Variants in USP42 observed in about 807,000 individuals in gnomAD.
USP42 encodes the protein ubiquitin specific peptidase 42, also known as ubiquitin carboxyl-terminal hydrolase 42.
USP42 carries 23 observed loss-of-function variants against 113.0 expected under a neutral mutation model. The ratio of observed to expected loss-of-function variants is 0.20; its 90% confidence interval spans 0.15 to 0.29. The LOEUF (loss-of-function observed/expected upper bound fraction) is 0.29. Ranked by LOEUF, USP42 falls within the 10% of genes least tolerant of loss-of-function variation. The pLI is 1.00. For missense variants in USP42, 2,174 were observed against 1,779.8 expected (o/e 1.22, Z -3.99); for synonymous variants, 933 against 699.0 (o/e 1.33, Z -5.28).
chr7:6,138,316 G>A (rs540143620), intron 4 of USP42, among the ~76,000 whole-genome samples: 13 of 152,156 alleles, frequency 8.5e-5, no homozygotes, highest in South Asian at 6.2e-4. Flanking sequence ...GGACTGAAAT[G>A]TTTCTGTGCA....
At chr7:6,134,376 A>C (rs1261620406) in intron 3 of USP42, among the ~76,000 whole-genome samples, 1 of 151,856 alleles carries the variant, frequency 6.6e-6, no homozygotes, top group Non-Finnish European at 1.5e-5. Flanking sequence ...GTACTGTTTG[A>C]TTGGATGCCA....
chr7:6,105,430 TGCTGGCC>T (rs1180211990), intron 1 of USP42, among the ~76,000 whole-genome samples: 3 of 148,982 alleles, frequency 2.0e-5, no homozygotes, highest in Non-Finnish European at 4.5e-5. Context: ...GGTGGGCGTG[TGCTGGCC>T]GCTGACCGCG....
At chr7:6,083,083 CCTGG>C in the USP42 span, among the ~76,000 whole-genome samples, 1 of 148,776 alleles carries the variant, frequency 6.7e-6, no homozygotes, top group Non-Finnish European at 1.5e-5. Context: ...GGCTACCACA[CCTGG>C]CTGATTTTTG....
the USP42 span, among the ~76,000 whole-genome samples, chr7:6,083,976 G>A: frequency 6.6e-6 from 1 of 151,118 alleles, no homozygotes; most frequent in Admixed American, 6.6e-5. Flanking sequence ...TCCCAAGCTG[G>A]TTGTGTAGGT....
upstream of USP42, among the ~76,000 whole-genome samples, chr7:6,104,341 CA>C (rs368612006): frequency 0.01 from 1,559 of 149,436 alleles, 39 homozygotes; most frequent in African/African-American, 0.038. Context: ...CTCGGCCTCC[CA>C]GAATGCTGGG....
intron 15 of USP42, 63 bp from the exon 16 acceptor site, chr7:6,156,691 C>G: frequency 6.8e-7 from 1 of 1,470,718 alleles, no homozygotes; most frequent in Non-Finnish European, 9.0e-7. Context: ...AGGCCAAGCT[C>G]CAGGGTCTGC....
chr7:6,160,060 C>T (rs1282322001), intron 17 of USP42, among the ~76,000 whole-genome samples: 1 of 152,236 alleles, frequency 6.6e-6, no homozygotes, highest in Non-Finnish European at 1.5e-5. Flanking sequence ...CACAGCGGTC[C>T]TGGGAGAGTC....
At chr7:6,108,327 C>T (rs1272917462) in intron 1 of USP42, among the ~76,000 whole-genome samples, 1 of 151,994 alleles carries the variant, frequency 6.6e-6, no homozygotes, top group Non-Finnish European at 1.5e-5. Context: ...CGTTTGAGGC[C>T]AGGAGTTCAA....
At chr7:6,106,274 A>G (rs1002150017) in intron 1 of USP42, among the ~76,000 whole-genome samples, 1 of 152,250 alleles carries the variant, frequency 6.6e-6, no homozygotes, top group Non-Finnish European at 1.5e-5. Flanking sequence ...GTTTTCTCTT[A>G]TAACGGAAAT....
intron 3 of USP42, among the ~76,000 whole-genome samples, chr7:6,126,991 T>A (rs1469263521): frequency 6.6e-6 from 1 of 152,210 alleles, no homozygotes; most frequent in Non-Finnish European, 1.5e-5. Flanking sequence ...TTGCCAACAT[T>A]TGCTGTTGTC....
intron 3 of USP42, among the ~76,000 whole-genome samples, chr7:6,118,492 A>G (rs1287653869): frequency 6.6e-6 from 1 of 152,086 alleles, no homozygotes. Flanking sequence ...ACTTTATTCC[A>G]GTCTGGGTGA....
intron 11 of USP42, among the ~76,000 whole-genome samples, chr7:6,147,158 T>G (rs1381497129): frequency 1.3e-5 from 2 of 152,230 alleles, no homozygotes; most frequent in Admixed American, 1.3e-4. Flanking sequence ...GAAGCACAGA[T>G]GATGATCAGA....
chr7:6,086,729 C>T, the USP42 span, among the ~76,000 whole-genome samples: 2 of 144,844 alleles, frequency 1.4e-5, no homozygotes, highest in African/African-American at 2.6e-5. Context: ...TTCCTTTTTC[C>T]TTTCCTTTCT....
chr7:6,145,436 A>G (rs1290491237), intron 9 of USP42, 80 bp from the exon 10 acceptor site: 1 of 1,557,564 alleles, frequency 6.4e-7, no homozygotes, highest in African/African-American at 1.4e-5. Flanking sequence ...CCTCCTAGGA[A>G]GCTCTAAGTA....
chr7:6,118,416 G>A (rs768338197), intron 3 of USP42, among the ~76,000 whole-genome samples: 91 of 152,052 alleles, frequency 6.0e-4, no homozygotes, highest in Non-Finnish European at 1.2e-3. Context: ...CAGCTACTTG[G>A]GAGACTGAGG....
intron 6 of USP42, 106 bp downstream of exon 6, chr7:6,140,301 C>G: frequency 9.9e-7 from 1 of 1,007,864 alleles, no homozygotes; most frequent in East Asian, 2.4e-5. Flanking sequence ...AAGTGCTTCT[C>G]TCCAGCCCAG....
chr7:6,153,826 G>A lies in USP42; in HGVS notation c.2272G>A (p.Glu758Lys), dbSNP rs566475833. The A allele has an allele frequency of 6.5e-7, 1 of 1,535,476 alleles. No homozygotes were observed. Among genetic ancestry groups the A allele is most frequent in the Non-Finnish European group, 8.8e-7 (1 of 1,139,554 alleles). The change falls in exon 15 of 18, where the codon GAA becomes AAA. Residue 758 changes from glutamate to lysine, a missense_variant. By Grantham distance (56) the Glu-to-Lys change is moderately conservative. Coordinates refer to ENST00000306177, the MANE Select transcript of USP42 (RefSeq NM_032172.3). ...AEPQPGSPAA[E>K]SLEEPDAAAG... ...GCCTCAGCCTGGCAGCCCCGCCGCCGAATCCCTGGAGGAGCCAGATGCGGC... is the reference window on the plus strand; with the variant it reads ...GCCTCAGCCTGGCAGCCCCGCCGCCAAATCCCTGGAGGAGCCAGATGCGGC...
At chr7:6,146,742 G>C (rs1781738614) in intron 11 of USP42, among the ~76,000 whole-genome samples, 1 of 152,230 alleles carries the variant, frequency 6.6e-6, no homozygotes, top group South Asian at 2.1e-4. Flanking sequence ...TGATGAGTTT[G>C]CTCCGCATCG....
rs1358024201 is a variant in USP42 at position 6,146,341 on chromosome 7, A to AC, written c.1232+93_1232+94insC. ...TGAATTCAATATTCAGTGTTTTAAA[A>AC]AAAAAAAAAAACCCAGCAGCTTAAA... On this transcript the variant is annotated intron_variant, in intron 11 of 17. Transcript: ENST00000306177. 1.1e-4 allele frequency: 94 copies of AC among 823,856 alleles called. No individual in the cohort carries two copies. The East Asian group carries it at 2.7e-3, about 23-fold the overall frequency. 51.0% of individuals were successfully genotyped at this position (823,856 alleles called of 1,614,324 possible). A position where few individuals can be genotyped will look rare whatever the true frequency, so the allele number is the denominator to read the frequency against.
Sources: gnomAD v4.1 joint callset for allele counts (sites outside exome capture counted in the v4.1 genomes callset) on GRCh38, gnomAD v4.1.1 for gene constraint, MANE v1.5 for transcripts, NCBI Gene and HGNC (gene_info 2026-07-23, HGNC 2026-07-21) for gene names.